Variants in FBXW11 observed in about 807,000 individuals in gnomAD.
The protein encoded by FBXW11 is F-box and WD repeat domain containing 11.
In FBXW11, 19 loss-of-function variants were observed where a neutral mutation model predicts 77.6. The ratio of observed to expected loss-of-function variants is 0.24; its 90% CI spans 0.17 to 0.36. FBXW11 has a LOEUF of 0.36. FBXW11 is among the 10% of genes least tolerant of loss of function. FBXW11 has a pLI of 1.00. For synonymous variants in FBXW11, 235 were observed against 249.4 expected, an observed-to-expected ratio of 0.94 and a Z score of 0.54; for missense variants, 334 against 704.2, an observed-to-expected ratio of 0.47 and a Z score of 5.95.
chr5:171,931,798 TTCTC>T (rs888011475), intron 2 of FBXW11, among the ~76,000 whole-genome samples: 4 of 104,068 alleles, frequency 3.8e-5, no homozygotes, highest in Admixed American at 9.7e-5. Flanking sequence ...CAGAAACAAT[TTCTC>T]TCTCTCTCTC....
At chr5:172,002,701 T>TTC (rs1766489152) in intron 1 of FBXW11, among the ~76,000 whole-genome samples, 1 of 136,698 alleles carries the variant, frequency 7.3e-6, no homozygotes. Flanking sequence ...CTTTTCTTTT[T>TTC]TTTTTTTTTT....
intron 2 of FBXW11, among the ~76,000 whole-genome samples, chr5:171,949,992 T>C (rs1350320864): frequency 1.3e-5 from 2 of 152,152 alleles, no homozygotes; most frequent in Admixed American, 6.6e-5. Context: ...TTAATTACAA[T>C]GATGCTTAAC....
chr5:171,958,828 C>T (rs1763749801), intron 1 of FBXW11, among the ~76,000 whole-genome samples: 1 of 152,062 alleles, frequency 6.6e-6, no homozygotes, highest in Admixed American at 6.6e-5. Context: ...ACCAAAACAT[C>T]CCAGAAGTCT....
At chr5:172,004,777 A>AGT (rs1766628401) in intron 1 of FBXW11, among the ~76,000 whole-genome samples, 3 of 152,132 alleles carry the variant, frequency 2.0e-5, no homozygotes, top group Non-Finnish European at 4.4e-5. Context: ...AAGTTACAGA[A>AGT]TACCAAACAC....
chr5:171,927,676 T>C (rs1227397517), intron 2 of FBXW11, among the ~76,000 whole-genome samples: 1 of 152,232 alleles, frequency 6.6e-6, no homozygotes, highest in Non-Finnish European at 1.5e-5. Context: ...TTCCACATCA[T>C]TGTAGTTCTA....
At chr5:171,989,131 T>G (rs570162119) in intron 1 of FBXW11, among the ~76,000 whole-genome samples, 14 of 151,378 alleles carry the variant, frequency 9.2e-5, no homozygotes, top group African/African-American at 2.4e-4. Context: ...GAACTGAAAT[T>G]GCACCACTGC....
intron 1 of FBXW11, among the ~76,000 whole-genome samples, chr5:171,991,568 T>G (rs570803483): frequency 6.6e-6 from 1 of 152,324 alleles, no homozygotes; most frequent in African/African-American, 2.4e-5. Flanking sequence ...CAAGACAGAC[T>G]GAAAGAACAG....
intron 7 of FBXW11, among the ~76,000 whole-genome samples, chr5:171,887,016 C>G (rs776322504): frequency 2.6e-5 from 4 of 151,890 alleles, no homozygotes; most frequent in Non-Finnish European, 5.9e-5. Context: ...GAGACTCTGT[C>G]TCAAAAAGTA....
intron 1 of FBXW11, among the ~76,000 whole-genome samples, chr5:172,002,983 G>A (rs1389805929): frequency 2.6e-5 from 4 of 151,982 alleles, no homozygotes; most frequent in Non-Finnish European, 4.4e-5. Flanking sequence ...TAGAGCCACC[G>A]CACCTGCCCA....
At chr5:171,910,826 G>T in intron 3 of FBXW11, 29 bp from the exon 4 acceptor site, 1 of 1,428,594 alleles carries the variant, frequency 7.0e-7, no homozygotes. Flanking sequence ...AAAAAAATTA[G>T]TTTAACAAGG....
intron 1 of FBXW11, among the ~76,000 whole-genome samples, chr5:172,005,581 A>G (rs936632678): frequency 6.6e-6 from 1 of 152,074 alleles, no homozygotes; most frequent in Non-Finnish European, 1.5e-5. Flanking sequence ...ACGGACCGGG[A>G]GTCTGGCCTG....
At chr5:171,952,414 T>G (rs563771251) in intron 2 of FBXW11, among the ~76,000 whole-genome samples, 88 of 76,490 alleles carry the variant, frequency 1.2e-3, no homozygotes, top group African/African-American at 3.3e-3. Flanking sequence ...GTGTGTTGTG[T>G]GTACATACAT....
In FBXW11 at chr5:171,876,029, A is replaced by C. The variant is rs564282771; in HGVS notation, c.1221+256T>G. ...CACAATACATGATCAACACGTTAGC[A>C]CTCTTCCCCTTAAAAAGGTGATCAA... On this transcript the variant is annotated intron_variant, in intron 9 of 13. Transcript: ENST00000517395. The surrounding 1 kb of genome is among the most constrained non-coding windows in gnomAD (Gnocchi z 4.2). Among the ~76,000 whole-genome samples, 1 of 152,118 alleles carries C rather than the reference A, an allele frequency of 6.6e-6. No individual in the cohort carries two copies. The highest frequency in any genetic ancestry group is 6.5e-5 in the Admixed American group (1 of 15,268).
chr5:171,888,503 A>G (rs1016476683), intron 7 of FBXW11, among the ~76,000 whole-genome samples: 1 of 152,172 alleles, frequency 6.6e-6, no homozygotes, highest in Admixed American at 6.5e-5. Context: ...CATCCCCGCA[A>G]CCCCTCTGAT....
intron 1 of FBXW11, among the ~76,000 whole-genome samples, chr5:171,991,132 G>T (rs373297344): frequency 6.6e-6 from 1 of 151,856 alleles, no homozygotes; most frequent in African/African-American, 2.4e-5. Context: ...AGCCCCTTTT[G>T]TACCTTAATT....
intron 1 of FBXW11, among the ~76,000 whole-genome samples, chr5:171,976,149 T>C (rs1764817406): frequency 6.6e-6 from 1 of 152,040 alleles, no homozygotes. Flanking sequence ...GAAGTAACAG[T>C]GAGATAAAAC....
intron 2 of FBXW11, among the ~76,000 whole-genome samples, chr5:171,918,102 T>C (rs1388121838): frequency 6.6e-6 from 1 of 152,090 alleles, no homozygotes; most frequent in East Asian, 1.9e-4. Flanking sequence ...CTTTGTTAAA[T>C]ACAATACAGT....
intron 1 of FBXW11, among the ~76,000 whole-genome samples, chr5:171,992,591 C>A (rs578014815): frequency 6.6e-6 from 1 of 152,260 alleles, no homozygotes; most frequent in Admixed American, 6.5e-5. Flanking sequence ...TCTTGGTCAA[C>A]ATGACATATG....
intron 4 of FBXW11, 47 bp downstream of exon 4, chr5:171,910,525 C>G (rs760410301): frequency 3.6e-6 from 5 of 1,386,550 alleles, no homozygotes; most frequent in Non-Finnish European, 1.0e-6. Flanking sequence ...GTCCTTGGGC[C>G]GGGCATTCTT....
Sources: allele counts gnomAD v4.1 joint callset (sites outside exome capture counted in the v4.1 genomes callset), GRCh38; gene constraint gnomAD v4.1.1; non-coding constraint Gnocchi (gnomAD v3.1); transcripts MANE v1.5; gene names NCBI Gene and HGNC (gene_info 2026-07-23, HGNC 2026-07-21).